Variants in AGGF1 observed in about 807,000 individuals in gnomAD.
AGGF1 encodes angiogenic factor with G-patch and FHA domains 1, also known as angiogenic factor with G patch and FHA domains 1.
A neutral mutation model predicts 86.5 loss-of-function variants in AGGF1; 56 were observed. That is an observed-to-expected ratio of 0.65 (90% confidence interval 0.52 to 0.81). The LOEUF (loss-of-function observed/expected upper bound fraction) is 0.81, where lower values mean the gene tolerates loss of function less well. AGGF1 is among the 30% of genes least tolerant of loss of function. The pLI is 0.00. For missense variants in AGGF1, 816 were observed against 850.9 expected, an observed-to-expected ratio of 0.96 and a Z score of 0.51; for synonymous variants, 313 against 297.1, an observed-to-expected ratio of 1.05 and a Z score of -0.55.
Position 77,041,785 on chromosome 5 carries a change from TTTTATTTA to T in AGGF1, c.870+2090_870+2097del, listed in dbSNP as rs1312253497. On this transcript the variant is annotated intron_variant, in intron 5 of 13. Coordinates refer to ENST00000312916, the MANE Select transcript of AGGF1 (RefSeq NM_018046.5). ...GTGCGAATTCCAAGACAAGAACTTT[TTTTATTTA>T]TTTATTTATTTATTTATTTATTTTT... Among the ~76,000 whole-genome samples, 11 of 113,030 alleles carry T rather than the reference TTTTATTTA, an allele frequency of 9.7e-5. 1 individual carries two copies. Among genetic ancestry groups the T allele is most frequent in the Admixed American group, 3.5e-4 (4 of 11,374 alleles). The allele number at this position is 113,030 out of a possible 152,430, so 74.2% of individuals were successfully genotyped here.
At chr5:77,042,850 G>A (rs1369220496) in intron 5 of AGGF1, among the ~76,000 whole-genome samples, 2 of 57,516 alleles carry the variant, frequency 3.5e-5, no homozygotes, top group Non-Finnish European at 8.7e-5. Flanking sequence ...GCGGCTGGCC[G>A]GGCGGGGGGC....
chr5:77,049,128 CT>C, intron 8 of AGGF1, 141 bp downstream of exon 8: 2 of 698,860 alleles, frequency 2.9e-6, no homozygotes, highest in Non-Finnish European at 2.4e-6. Context: ...CAGTGCAGAT[CT>C]GTTTATTCCA....
chr5:77,061,675 T>G, intron 12 of AGGF1, 28 bp from the exon 13 acceptor site: 1 of 1,567,718 alleles, frequency 6.4e-7, no homozygotes, highest in Non-Finnish European at 8.8e-7. Context: ...CTTTTATAAA[T>G]CAACTATCAT....
intron 11 of AGGF1, among the ~76,000 whole-genome samples, chr5:77,056,109 T>C (rs891330334): frequency 2.0e-5 from 3 of 152,146 alleles, no homozygotes; most frequent in African/African-American, 4.8e-5. Context: ...TAGTATCATA[T>C]TGGCATAAAG....
chr5:77,043,800 G>A (rs1335230083), intron 5 of AGGF1, among the ~76,000 whole-genome samples: 5 of 117,182 alleles, frequency 4.3e-5, no homozygotes, highest in Non-Finnish European at 9.6e-5. Flanking sequence ...GCTGCCGGGC[G>A]GAGGGGCTCC....
At chr5:77,057,705 A>G (rs1580136368) in intron 11 of AGGF1, among the ~76,000 whole-genome samples, 1 of 152,356 alleles carries the variant, frequency 6.6e-6, no homozygotes, top group East Asian at 1.9e-4. Context: ...ATGGAGTCTC[A>G]ACTGTGTGTG....
At chr5:77,050,313 T>C (rs1205972874) in intron 8 of AGGF1, among the ~76,000 whole-genome samples, 1 of 78,696 alleles carries the variant, frequency 1.3e-5, no homozygotes, top group South Asian at 3.5e-4. Context: ...TTTCTTTTTT[T>C]TTTTTTTTTT....
chr5:77,035,409 G>T, intron 2 of AGGF1, 132 bp from the exon 3 acceptor site: 1 of 696,012 alleles, frequency 1.4e-6, no homozygotes, highest in Non-Finnish European at 2.4e-6. Flanking sequence ...TTTAAAATTT[G>T]TACAGTTGTA....
intron 13 of AGGF1, among the ~76,000 whole-genome samples, chr5:77,062,168 T>G (rs1747573611): frequency 6.6e-6 from 1 of 152,198 alleles, no homozygotes; most frequent in Admixed American, 6.5e-5. Context: ...AAAATCTGTT[T>G]GGTTCAAGAA....
intron 5 of AGGF1, among the ~76,000 whole-genome samples, chr5:77,042,765 A>ACCC (rs1178794125): frequency 5.8e-5 from 1 of 17,248 alleles, no homozygotes; most frequent in Non-Finnish European, 1.4e-4. Flanking sequence ...AGGGGGGCTG[A>ACCC]CCCCCCCCAC....
rs572136008 is a variant in AGGF1 at position 77,030,632 on chromosome 5, G to A, written c.-135G>A. The A allele has an allele frequency of 7.9e-6, 8 of 1,011,296 alleles. No individual in the cohort carries two copies. The South Asian group carries it at 9.6e-5, about 12-fold the overall frequency. The allele number at this position is 1,011,296 out of a possible 1,614,324, so 62.6% of individuals were successfully genotyped here. A position where few individuals can be genotyped will look rare whatever the true frequency, so the allele number is the denominator to read the frequency against. ...AGTGAGTTTCAGGGCGTCATGGCCAGGGGCCACCGCGGCCAGCCGGGTGTG... is the reference window on the plus strand; with the variant it reads ...AGTGAGTTTCAGGGCGTCATGGCCAAGGGCCACCGCGGCCAGCCGGGTGTG... On this transcript the variant is annotated 5_prime_UTR_variant, in exon 1 of 14. Coordinates refer to ENST00000312916, the MANE Select transcript of AGGF1 (RefSeq NM_018046.5).
intron 4 of AGGF1, among the ~76,000 whole-genome samples, chr5:77,037,050 A>C (rs182375605): frequency 6.6e-6 from 1 of 152,356 alleles, no homozygotes; most frequent in East Asian, 1.9e-4. Flanking sequence ...GAAAGCAAAA[A>C]GCTGCATTTA....
chr5:77,058,335 G>A (rs1409542703), intron 11 of AGGF1, among the ~76,000 whole-genome samples: 2 of 152,276 alleles, frequency 1.3e-5, no homozygotes, highest in East Asian at 1.9e-4. Flanking sequence ...AAATTGTAGA[G>A]CTAGATATAG....
At position 77,055,682 on chromosome 5, in the gene AGGF1, A is replaced by T. The variant is rs1189539487; in HGVS notation, c.1716+86A>T. The T allele has an allele frequency of 4.5e-6, 4 of 894,756 alleles. No individual in the cohort carries two copies. In the East Asian group the frequency reaches 7.7e-5, roughly 17 times the overall value. 55.4% of individuals were successfully genotyped at this position (894,756 alleles called of 1,614,324 possible). On this transcript the variant is annotated intron_variant, in intron 11 of 13. Transcript: ENST00000312916. ...TCTTTAAATATGCTCAGTACATTTT[A>T]TATATAAATAGTTGTGTAGTATGAT... is the stretch of plus-strand genomic sequence containing the variant.
At chr5:77,041,800 T>TG (rs1561285641) in intron 5 of AGGF1, among the ~76,000 whole-genome samples, 1 of 103,888 alleles carries the variant, frequency 9.6e-6, no homozygotes, top group Non-Finnish European at 2.3e-5. Flanking sequence ...TTTATTTATT[T>TG]ATTTATTTAT....
intron 2 of AGGF1, 50 bp downstream of exon 2, chr5:77,034,570 G>A: frequency 1.6e-6 from 2 of 1,250,842 alleles, no homozygotes; most frequent in Non-Finnish European, 2.4e-6. Flanking sequence ...TTCAAATCAT[G>A]CTAATGTTGC....
At position 77,044,239 on chromosome 5, in the gene AGGF1, T is replaced by A. The variant is rs1447215714; in HGVS notation, c.871-2108T>A. ...GAGGCCAGGGCAGGCGGCTGGGAGG[T>A]GTAGGTTGTAGTGAGCCGAGATCAC... On this transcript the variant is annotated intron_variant, in intron 5 of 13. Coordinates refer to ENST00000312916, the MANE Select transcript of AGGF1 (RefSeq NM_018046.5). Among the ~76,000 whole-genome samples the A allele has an allele frequency of 2.7e-5, 4 of 150,294 alleles. No homozygotes were observed. In the East Asian group the frequency reaches 7.8e-4, roughly 29 times the overall value.
At position 77,063,936 on chromosome 5, in the gene AGGF1, G is replaced by A. The variant is rs1747615350; in HGVS notation, c.*684G>A. The A allele has an allele frequency of 6.6e-6, 1 of 152,614 alleles. No individual in the cohort carries two copies. Among genetic ancestry groups the A allele is most frequent in the African/African-American group, 2.4e-5 (1 of 41,446 alleles). 9.5% of individuals were successfully genotyped at this position (152,614 alleles called of 1,614,324 possible). On this transcript the variant is annotated 3_prime_UTR_variant, in exon 14 of 14. Coordinates refer to ENST00000312916, the MANE Select transcript of AGGF1 (RefSeq NM_018046.5). ...ACAACTGAATACATATTGAAATAGT[G>A]TGCTGGCTTTTGTAGTTTTGATAAA...
At chr5:77,042,433 CGGGGGGGCTG>C (rs1561285957) in intron 5 of AGGF1, among the ~76,000 whole-genome samples, 19 of 110,276 alleles carry the variant, frequency 1.7e-4, no homozygotes, top group East Asian at 2.8e-4. Flanking sequence ...GCTGGCTGGG[CGGGGGGGCTG>C]ACCCCCCCCA....
Sources: gnomAD v4.1 joint callset for allele counts (sites outside exome capture counted in the v4.1 genomes callset) on GRCh38, gnomAD v4.1.1 for gene constraint, MANE v1.5 for transcripts, NCBI Gene and HGNC (gene_info 2026-07-23, HGNC 2026-07-21) for gene names.